Variants in RNF13 observed in about 807,000 individuals in gnomAD.
RNF13 encodes the protein E3 ubiquitin-protein ligase RNF13.
RNF13 carries 19 observed loss-of-function variants against 37.7 expected under a neutral mutation model. That is an observed-to-expected ratio of 0.50 (90% confidence interval 0.35 to 0.74). The LOEUF (loss-of-function observed/expected upper bound fraction) is 0.74. Ranked by LOEUF, RNF13 falls within the 30% of genes least tolerant of loss-of-function variation. The pLI is 0.01. For synonymous variants in RNF13, 144 were observed against 157.8 expected (o/e 0.91, Z 0.65); for missense variants, 375 against 453.0 (o/e 0.83, Z 1.56).
At chr3:149,855,906 A>T (rs1246205705) in intron 3 of RNF13, among the ~76,000 whole-genome samples, 2 of 152,198 alleles carry the variant, frequency 1.3e-5, no homozygotes, top group African/African-American at 4.8e-5. Flanking sequence ...CTGATTACTA[A>T]TGATGATCTG....
At chr3:149,862,828 C>T (rs1203070916) in intron 3 of RNF13, among the ~76,000 whole-genome samples, 1 of 152,098 alleles carries the variant, frequency 6.6e-6, no homozygotes, top group Admixed American at 6.5e-5. Flanking sequence ...GATGTGAAAC[C>T]AGGTACTTTT....
chr3:149,933,567 CA>C (rs1350319657), intron 8 of RNF13, among the ~76,000 whole-genome samples: 1 of 149,978 alleles, frequency 6.7e-6, no homozygotes, highest in Non-Finnish European at 1.5e-5. Flanking sequence ...TTAGTTCTAA[CA>C]GTTTCTTTTC....
intron 1 of RNF13, chr3:149,822,672 G>C (rs1388581565): frequency 6.6e-6 from 1 of 151,978 alleles, no homozygotes. Flanking sequence ...TCCATTTCTG[G>C]TATCACGTTA....
intron 8 of RNF13, among the ~76,000 whole-genome samples, chr3:149,937,368 G>C (rs939056580): frequency 1.3e-5 from 2 of 152,120 alleles, no homozygotes; most frequent in Non-Finnish European, 2.9e-5. Flanking sequence ...AATAACTTAA[G>C]GGAGGGGCAT....
intron 4 of RNF13, among the ~76,000 whole-genome samples, chr3:149,890,222 A>T (rs1433913923): frequency 1.3e-5 from 2 of 152,136 alleles, no homozygotes; most frequent in Non-Finnish European, 2.9e-5. Context: ...AAAGCTTCTA[A>T]ATCTTCAGTC....
chr3:149,863,802 T>C (rs890512202), intron 3 of RNF13, among the ~76,000 whole-genome samples: 1 of 152,180 alleles, frequency 6.6e-6, no homozygotes, highest in Non-Finnish European at 1.5e-5. Flanking sequence ...TCTGTAGTTA[T>C]TACATTTAAC....
At chr3:149,814,812 G>A (rs1719256195) in intron 1 of RNF13, among the ~76,000 whole-genome samples, 1 of 151,966 alleles carries the variant, frequency 6.6e-6, no homozygotes, top group African/African-American at 2.4e-5. Flanking sequence ...GAAATGAGTT[G>A]TTATGAGGAT....
chr3:149,908,083 T>G (rs1400585683), intron 6 of RNF13, among the ~76,000 whole-genome samples: 1 of 152,252 alleles, frequency 6.6e-6, no homozygotes, highest in East Asian at 1.9e-4. Flanking sequence ...AGCATTTCTT[T>G]ATTCACAGTG....
intron 1 of RNF13, among the ~76,000 whole-genome samples, chr3:149,835,360 C>A (rs1181815382): frequency 1.3e-5 from 2 of 151,976 alleles, no homozygotes; most frequent in African/African-American, 4.8e-5. Context: ...TGAGTAAGTT[C>A]TTTAGTGGTG....
intron 7 of RNF13, among the ~76,000 whole-genome samples, chr3:149,916,837 G>A (rs1717566479): frequency 1.3e-5 from 2 of 151,996 alleles, no homozygotes; most frequent in Admixed American, 6.5e-5. Flanking sequence ...CAAGAACAGC[G>A]GGTTGTATGG....
intron 6 of RNF13, among the ~76,000 whole-genome samples, chr3:149,909,333 G>A (rs1024620760): frequency 6.6e-6 from 1 of 150,670 alleles, no homozygotes; most frequent in Non-Finnish European, 1.5e-5. Flanking sequence ...GGAGTGCAGT[G>A]GTGCGATCTC....
At chr3:149,949,971 TC>T (rs1171727216) in intron 8 of RNF13, among the ~76,000 whole-genome samples, 1 of 152,162 alleles carries the variant, frequency 6.6e-6, no homozygotes, top group Non-Finnish European at 1.5e-5. Context: ...TGCATATTAT[TC>T]CATTTTTTCC....
chr3:149,947,700 A>C (rs181956175), intron 8 of RNF13, among the ~76,000 whole-genome samples: 1 of 151,638 alleles, frequency 6.6e-6, no homozygotes, highest in East Asian at 2.0e-4. Context: ...GCACCTGGCC[A>C]TCTTCCTTCA....
intron 4 of RNF13, among the ~76,000 whole-genome samples, chr3:149,894,646 C>T (rs1187751117): frequency 1.3e-5 from 2 of 151,970 alleles, no homozygotes; most frequent in Admixed American, 6.6e-5. Flanking sequence ...CATTAGTATC[C>T]AGAACTATAT....
chr3:149,832,180 G>A (rs1026201070), intron 1 of RNF13, among the ~76,000 whole-genome samples: 1 of 152,118 alleles, frequency 6.6e-6, no homozygotes, highest in Admixed American at 6.5e-5. Context: ...AATTCTTTTA[G>A]TAGTGGAATA....
rs1715162955 is a variant in RNF13, at chr3:149,895,533, G to A, written c.382G>A (p.Asp128Asn). 4 of 1,601,360 alleles carry A rather than the reference G, an allele frequency of 2.5e-6. No individual in the cohort carries two copies. Among genetic ancestry groups the A allele is most frequent in the South Asian group, 1.1e-5 (1 of 90,260 alleles). ...AAIVHNVDSD[D>N]LISMGSNDIE... ...CATAGTTCACAATGTTGATTCTGAT[G>A]ACCTCATTAGCATGGGATCCAACGA... Residue 128 changes from aspartate (D) to asparagine (N), a missense_variant, in exon 5 of 10, where the codon GAC becomes AAC. Physicochemically the swap from Asp to Asn is conservative, Grantham distance 23 (BLOSUM62 1). Transcript: ENST00000392894.
chr3:149,953,231 A>T (rs1290253449), intron 8 of RNF13, among the ~76,000 whole-genome samples: 1 of 152,124 alleles, frequency 6.6e-6, no homozygotes, highest in Admixed American at 6.5e-5. Flanking sequence ...CAATCATTTT[A>T]TTCTCACTGC....
intron 8 of RNF13, among the ~76,000 whole-genome samples, chr3:149,950,070 A>G (rs1344157170): frequency 1.3e-5 from 2 of 152,322 alleles, no homozygotes; most frequent in East Asian, 3.9e-4. Flanking sequence ...TGTGTCCAGT[A>G]TACTAATGAG....
At chr3:149,906,465 G>A (rs191280775) in intron 6 of RNF13, among the ~76,000 whole-genome samples, 52 of 152,134 alleles carry the variant, frequency 3.4e-4, no homozygotes, top group African/African-American at 1.2e-3. Flanking sequence ...CAATGTATGA[G>A]GGTTCCAGTT....
Sources: allele counts gnomAD v4.1 joint callset (sites outside exome capture counted in the v4.1 genomes callset), GRCh38; gene constraint gnomAD v4.1.1; transcripts MANE v1.5; gene names NCBI Gene and HGNC (gene_info 2026-07-23, HGNC 2026-07-21).